ROBO2: variants seen among roughly 807,000 people sequenced by gnomAD.
ROBO2 encodes the protein roundabout guidance receptor 2.
Under a neutral mutation model 160.8 loss-of-function variants are expected in ROBO2, and 53 were observed. The ratio of observed to expected loss-of-function variants is 0.33; its 90% confidence interval spans 0.26 to 0.41. ROBO2 has a LOEUF of 0.41. Ranked by LOEUF, ROBO2 falls within the 10% of genes least tolerant of loss-of-function variation. The pLI, the probability that ROBO2 is intolerant of heterozygous loss-of-function variation, is 1.00. For synonymous variants in ROBO2, 664 were observed against 611.7 expected (o/e 1.09, Z -1.26); for missense variants, 1,577 against 1,722.4 (o/e 0.92, Z 1.49).
intron 2 of ROBO2, among the ~76,000 whole-genome samples, chr3:77,318,691 G>A (rs771673053): frequency 6.6e-6 from 1 of 152,058 alleles, no homozygotes; most frequent in African/African-American, 2.4e-5. Flanking sequence ...GGTTTACAAG[G>A]TCAACTACTA....
chr3:76,037,289 ACT>A (rs1175198752), intron 2 of ROBO2, among the ~76,000 whole-genome samples: 3 of 141,684 alleles, frequency 2.1e-5, no homozygotes, highest in Admixed American at 7.2e-5. Context: ...ACAGAGTATC[ACT>A]CTGTTTCCCA....
At chr3:77,280,060 A>G (rs1231111652) in intron 2 of ROBO2, among the ~76,000 whole-genome samples, 2 of 152,162 alleles carry the variant, frequency 1.3e-5, no homozygotes, top group Non-Finnish European at 2.9e-5. Context: ...TAATTATCAG[A>G]TATGATCTCA....
At chr3:77,373,638 C>A (rs1674542807) in intron 2 of ROBO2, among the ~76,000 whole-genome samples, 1 of 151,988 alleles carries the variant, frequency 6.6e-6, no homozygotes, top group African/African-American at 2.4e-5. Context: ...AGAAAAGCTG[C>A]GTCCTGGTGA....
chr3:76,172,855 C>T (rs1009159934), intron 2 of ROBO2, among the ~76,000 whole-genome samples: 1 of 151,972 alleles, frequency 6.6e-6, no homozygotes, highest in Non-Finnish European at 1.5e-5. Context: ...TAATAAGTTA[C>T]ATTTTAAAAA....
intron 2 of ROBO2, among the ~76,000 whole-genome samples, chr3:76,915,842 T>C (rs1322798503): frequency 6.6e-6 from 1 of 152,132 alleles, no homozygotes; most frequent in African/African-American, 2.4e-5. Flanking sequence ...TGTTTATTAC[T>C]CACGGTTCTG....
chr3:76,980,040 A>G (rs1157893279), intron 2 of ROBO2, among the ~76,000 whole-genome samples: 1 of 152,202 alleles, frequency 6.6e-6, no homozygotes, highest in Non-Finnish European at 1.5e-5. Context: ...TACTAGAAGC[A>G]TGCACATCTG....
In ROBO2 at chr3:76,936,265, G is replaced by A. The variant is rs1172612573; in HGVS notation, c.110-161749G>A. ...ATCAAAGCTTGGGGATTCATAGATA[G>A]ATATGTAGTAGCTTTCCAATAATGT... On this transcript the variant is annotated intron_variant, in intron 2 of 26. Transcript: ENST00000487694. Among the ~76,000 whole-genome samples the A allele has an allele frequency of 2.6e-5, 4 of 151,860 alleles. No individual in the cohort carries two copies. The East Asian group carries it at 7.7e-4, about 29-fold the overall frequency.
chr3:76,252,315 G>A (rs945701969), intron 2 of ROBO2, among the ~76,000 whole-genome samples: 10 of 151,960 alleles, frequency 6.6e-5, no homozygotes, highest in African/African-American at 1.9e-4. Flanking sequence ...TCAACCAGAC[G>A]TAATTGGTGC....
intron 2 of ROBO2, among the ~76,000 whole-genome samples, chr3:76,364,515 G>C (rs2075699832): frequency 6.6e-6 from 1 of 151,908 alleles, no homozygotes; most frequent in Non-Finnish European, 1.5e-5. Context: ...GAAAAGTACA[G>C]GTTATGTAGA....
intron 2 of ROBO2, among the ~76,000 whole-genome samples, chr3:76,909,912 A>T (rs951989396): frequency 6.6e-6 from 1 of 152,240 alleles, no homozygotes; most frequent in African/African-American, 2.4e-5. Flanking sequence ...TGGACTTGGA[A>T]TTAGAAAATA....
At chr3:76,396,848 T>G (rs1482842270) in intron 2 of ROBO2, among the ~76,000 whole-genome samples, 1 of 152,062 alleles carries the variant, frequency 6.6e-6, no homozygotes, top group Non-Finnish European at 1.5e-5. Flanking sequence ...GGAAGAACAT[T>G]CCATGCTCAT....
At chr3:77,602,939 A>T (rs1025180135) in intron 20 of ROBO2, 2 of 457,474 alleles carry the variant, frequency 4.4e-6, no homozygotes, top group African/African-American at 4.0e-5. Context: ...CCTTAGCCTT[A>T]CTTTACATTC....
intron 2 of ROBO2, among the ~76,000 whole-genome samples, chr3:76,447,464 C>T (rs1048446674): frequency 3.5e-4 from 52 of 148,438 alleles, no homozygotes; most frequent in Admixed American, 9.5e-4. Flanking sequence ...CTAGTTCAAC[C>T]ATTGTGGAAG....
At chr3:76,829,396 T>C (rs2066871651) in intron 2 of ROBO2, among the ~76,000 whole-genome samples, 1 of 152,094 alleles carries the variant, frequency 6.6e-6, no homozygotes, top group Non-Finnish European at 1.5e-5. Context: ...GGTTGGTGGG[T>C]GCAGCAAACC....
intron 2 of ROBO2, among the ~76,000 whole-genome samples, chr3:77,288,329 C>T (rs2060759855): frequency 6.6e-6 from 1 of 152,144 alleles, no homozygotes; most frequent in Non-Finnish European, 1.5e-5. Context: ...CTGACAAACA[C>T]TTCTCTGTAG....
At chr3:77,241,616 A>T (rs2089054956) in intron 2 of ROBO2, among the ~76,000 whole-genome samples, 1 of 152,222 alleles carries the variant, frequency 6.6e-6, no homozygotes, top group Admixed American at 6.5e-5. Flanking sequence ...TTACTTTCAT[A>T]GACTAGAGAT....
At chr3:77,009,992 CT>C (rs1163060673) in intron 2 of ROBO2, among the ~76,000 whole-genome samples, 2 of 148,912 alleles carry the variant, frequency 1.3e-5, no homozygotes, top group African/African-American at 4.9e-5. Flanking sequence ...CAAGTTAGAC[CT>C]TGTTTTATAG....
At chr3:77,565,439 C>G (rs1044877932) in intron 12 of ROBO2, among the ~76,000 whole-genome samples, 7 of 151,984 alleles carry the variant, frequency 4.6e-5, no homozygotes, top group Non-Finnish European at 7.4e-5. Flanking sequence ...TACACAATAA[C>G]AGAAAAGTGG....
intron 2 of ROBO2, among the ~76,000 whole-genome samples, chr3:77,337,824 G>A (rs1415398796): frequency 6.6e-5 from 10 of 152,112 alleles, no homozygotes. Context: ...GTATGAAATA[G>A]TAAGGTCTTT....
Sources: gnomAD v4.1 joint callset for allele counts (sites outside exome capture counted in the v4.1 genomes callset) on GRCh38, gnomAD v4.1.1 for gene constraint, MANE v1.5 for transcripts, NCBI Gene and HGNC (gene_info 2026-07-23, HGNC 2026-07-21) for gene names.